The following MBNL2 variants were observed in gnomAD, a reference collection of about 807,000 sequenced individuals.
MBNL2 encodes the protein muscleblind like splicing regulator 2.
MBNL2 carries 17 observed loss-of-function variants against 41.9 expected under a neutral mutation model. The observed-to-expected ratio is 0.41, with a 90% CI of 0.28 to 0.61. The LOEUF (loss-of-function observed/expected upper bound fraction) is 0.61. Ranked by LOEUF, MBNL2 falls within the 20% of genes least tolerant of loss-of-function variation. The probability of loss-of-function intolerance (pLI) is 0.35; values close to 1 mark genes in which losing one functional copy is unlikely to be tolerated. For synonymous variants in MBNL2, 195 were observed against 182.9 expected, an observed-to-expected ratio of 1.07 and a Z score of -0.53; for missense variants, 336 against 505.6, an observed-to-expected ratio of 0.66 and a Z score of 3.22.
chr13:97,145,402 A>G, the MBNL2 span, among the ~76,000 whole-genome samples: 6 of 152,174 alleles, frequency 3.9e-5, no homozygotes, highest in African/African-American at 1.4e-4. Flanking sequence ...GAAGATATGG[A>G]GAAAAGGAGG....
intron 2 of MBNL2, among the ~76,000 whole-genome samples, chr13:97,317,243 T>G (rs1348032081): frequency 2.0e-5 from 3 of 152,204 alleles, no homozygotes; most frequent in Non-Finnish European, 4.4e-5. Flanking sequence ...GGGGATCATA[T>G]GCTTTTCGCT....
chr13:97,352,774 A>C (rs1375830498), intron 5 of MBNL2, among the ~76,000 whole-genome samples: 1 of 152,244 alleles, frequency 6.6e-6, no homozygotes, highest in African/African-American at 2.4e-5. Context: ...GCAATAAAAC[A>C]ACCTATGCCT....
At chr13:97,309,516 G>C (rs1447055327) in intron 2 of MBNL2, among the ~76,000 whole-genome samples, 1 of 152,176 alleles carries the variant, frequency 6.6e-6, no homozygotes, top group East Asian at 1.9e-4. Context: ...CAACAAGAGG[G>C]TGCTGGGACG....
the MBNL2 span, among the ~76,000 whole-genome samples, chr13:97,196,352 T>C: frequency 2.6e-5 from 4 of 152,196 alleles, no homozygotes; most frequent in African/African-American, 9.7e-5. Context: ...CTTCCCCTTT[T>C]TGTTGCCATT....
chr13:97,208,064 A>C, the MBNL2 span, among the ~76,000 whole-genome samples: 1 of 152,224 alleles, frequency 6.6e-6, no homozygotes, highest in Non-Finnish European at 1.5e-5. Context: ...TTTGCAGGGT[A>C]CAGCCTCCTT....
the MBNL2 span, among the ~76,000 whole-genome samples, chr13:97,216,228 A>G: frequency 6.6e-6 from 1 of 151,598 alleles, no homozygotes; most frequent in Non-Finnish European, 1.5e-5. Flanking sequence ...TAAAAAAAAT[A>G]CTAATCTCTT....
the MBNL2 span, among the ~76,000 whole-genome samples, chr13:97,171,601 G>A: frequency 6.6e-6 from 1 of 152,108 alleles, no homozygotes; most frequent in Non-Finnish European, 1.5e-5. Flanking sequence ...CCAAATATAT[G>A]CCATCTGCCT....
chr13:97,211,338 G>T, the MBNL2 span, among the ~76,000 whole-genome samples: 2 of 152,162 alleles, frequency 1.3e-5, no homozygotes, highest in Non-Finnish European at 2.9e-5. Flanking sequence ...TGGGTTGGGG[G>T]TATAGAGCAG....
intron 8 of MBNL2, among the ~76,000 whole-genome samples, chr13:97,371,737 C>T (rs1480975073): frequency 6.6e-6 from 1 of 152,174 alleles, no homozygotes; most frequent in Non-Finnish European, 1.5e-5. Flanking sequence ...AAGTGGCCTA[C>T]TTTGTCTTGC....
At chr13:97,141,964 C>T in the MBNL2 span, among the ~76,000 whole-genome samples, 1 of 152,104 alleles carries the variant, frequency 6.6e-6, no homozygotes, top group African/African-American at 2.4e-5. Context: ...TCAGAATATT[C>T]AGTTCCCTAA....
chr13:97,331,282 T>G (rs1416076652), intron 2 of MBNL2, among the ~76,000 whole-genome samples: 1 of 152,204 alleles, frequency 6.6e-6, no homozygotes, highest in Non-Finnish European at 1.5e-5. Context: ...ACAATAATTA[T>G]TTCATTGAAC....
chr13:97,316,460 T>TGCAAGA (rs2059062987), intron 2 of MBNL2, among the ~76,000 whole-genome samples: 1 of 152,182 alleles, frequency 6.6e-6, no homozygotes, highest in Non-Finnish European at 1.5e-5. Context: ...GAAAACAAGT[T>TGCAAGA]CTTACAATGG....
the MBNL2 span, among the ~76,000 whole-genome samples, chr13:97,211,950 A>G: frequency 6.6e-6 from 1 of 152,176 alleles, no homozygotes; most frequent in East Asian, 1.9e-4. Flanking sequence ...GGAAAGAGAT[A>G]GCAGTATTTT....
chr13:97,189,429 T>C, the MBNL2 span, among the ~76,000 whole-genome samples: 8 of 152,208 alleles, frequency 5.3e-5, no homozygotes, highest in African/African-American at 1.7e-4. Context: ...CATTTTAGTT[T>C]TGTTAGGATG....
chr13:97,230,748 T>C (rs768891849), intron 1 of MBNL2, among the ~76,000 whole-genome samples: 5 of 152,222 alleles, frequency 3.3e-5, no homozygotes, highest in Non-Finnish European at 5.9e-5. Context: ...GAAAACAGTG[T>C]AGTCTCCTGG....
At chr13:97,151,768 AGCC>A in the MBNL2 span, among the ~76,000 whole-genome samples, 1 of 152,212 alleles carries the variant, frequency 6.6e-6, no homozygotes, top group African/African-American at 2.4e-5. Flanking sequence ...ATGTTTAAGC[AGCC>A]AGGATAATAC....
intron 2 of MBNL2, among the ~76,000 whole-genome samples, chr13:97,290,536 C>T (rs2055664414): frequency 6.6e-6 from 1 of 151,932 alleles, no homozygotes; most frequent in Non-Finnish European, 1.5e-5. Context: ...ATTAGCCGGG[C>T]GCGGTGGCGG....
chr13:97,177,375 G>T, the MBNL2 span, among the ~76,000 whole-genome samples: 1 of 152,104 alleles, frequency 6.6e-6, no homozygotes, highest in Non-Finnish European at 1.5e-5. Context: ...AGCTTTTGCA[G>T]CCATGAAAGA....
At chr13:97,321,834 G>T (rs1368649810) in intron 2 of MBNL2, among the ~76,000 whole-genome samples, 1 of 152,202 alleles carries the variant, frequency 6.6e-6, no homozygotes, top group Non-Finnish European at 1.5e-5. Context: ...TGACTGCACA[G>T]ATCTGCCACT....
Sources: gnomAD v4.1 joint callset for allele counts (sites outside exome capture counted in the v4.1 genomes callset) on GRCh38, gnomAD v4.1.1 for gene constraint, MANE v1.5 for transcripts, NCBI Gene and HGNC (gene_info 2026-07-23, HGNC 2026-07-21) for gene names.